The following CTIF variants were observed in gnomAD, a reference collection of about 807,000 sequenced individuals.
The protein encoded by CTIF is CBP80/20-dependent translation initiation factor.
In CTIF, 21 loss-of-function variants were observed where a neutral mutation model predicts 66.0. That is an observed-to-expected ratio of 0.32 (90% CI 0.23 to 0.46). The LOEUF is 0.46. Ranked by LOEUF, CTIF falls within the 20% of genes least tolerant of loss-of-function variation. CTIF has a pLI of 1.00. For synonymous variants in CTIF, 345 were observed against 326.4 expected (o/e 1.06, Z -0.62); for missense variants, 739 against 812.7 (o/e 0.91, Z 1.10).
chr18:48,599,099 G>T (rs1249498711), intron 1 of CTIF, among the ~76,000 whole-genome samples: 1 of 152,146 alleles, frequency 6.6e-6, no homozygotes, highest in African/African-American at 2.4e-5. Flanking sequence ...TCTCCTCTCT[G>T]CCGATCAGCT....
chr18:48,660,000 G>A (rs1388856575), intron 3 of CTIF, among the ~76,000 whole-genome samples: 1 of 151,990 alleles, frequency 6.6e-6, no homozygotes, highest in Non-Finnish European at 1.5e-5. Flanking sequence ...TCTGTCACCT[G>A]TGACGTGTGT....
chr18:48,792,474 G>T (rs1313144888), intron 9 of CTIF, among the ~76,000 whole-genome samples: 1 of 152,208 alleles, frequency 6.6e-6, no homozygotes, highest in Non-Finnish European at 1.5e-5. Context: ...GGGTTGAGAG[G>T]AGTCTGAAAG....
intron 1 of CTIF, among the ~76,000 whole-genome samples, chr18:48,561,235 C>CAAAAAA (rs36056519): frequency 2.3e-4 from 21 of 92,288 alleles, no homozygotes; most frequent in African/African-American, 6.2e-4. Context: ...GACTCTGTCT[C>CAAAAAA]AAAAAAAAAA....
chr18:48,661,788 T>C (rs1280674503), intron 3 of CTIF: 6 of 152,228 alleles, frequency 3.9e-5, no homozygotes, highest in Non-Finnish European at 7.3e-5. Context: ...CAGGGCATGG[T>C]ATTTCATTCT....
At chr18:48,849,352 C>T (rs1357002073) in intron 10 of CTIF, among the ~76,000 whole-genome samples, 1 of 151,454 alleles carries the variant, frequency 6.6e-6, no homozygotes, top group Non-Finnish European at 1.5e-5. Flanking sequence ...CGTCTGCCAC[C>T]ATGCCTGGCA....
intron 9 of CTIF, among the ~76,000 whole-genome samples, chr18:48,782,325 G>T (rs1320435995): frequency 6.6e-6 from 1 of 152,052 alleles, no homozygotes; most frequent in Non-Finnish European, 1.5e-5. Context: ...CCCCTGCCTG[G>T]CCTGGAGCAT....
intron 4 of CTIF, 38 bp downstream of exon 4, chr18:48,663,863 C>A (rs777454329): frequency 1.3e-6 from 2 of 1,583,686 alleles, no homozygotes; most frequent in Admixed American, 1.7e-5. Context: ...GGTGTGAGGT[C>A]CAGCCGGGGA....
intron 7 of CTIF, among the ~76,000 whole-genome samples, chr18:48,727,623 C>T (rs1216506452): frequency 6.6e-6 from 1 of 152,210 alleles, no homozygotes; most frequent in African/African-American, 2.4e-5. Context: ...CACATCTCTT[C>T]AAGACCATCC....
intron 1 of CTIF, among the ~76,000 whole-genome samples, chr18:48,579,110 G>A (rs890563209): frequency 3.9e-5 from 6 of 152,028 alleles, no homozygotes; most frequent in Non-Finnish European, 8.8e-5. Flanking sequence ...GGAGTGCAGT[G>A]GTATACTCAT....
chr18:48,851,682 G>C (rs1461427910), intron 10 of CTIF, among the ~76,000 whole-genome samples: 1 of 152,092 alleles, frequency 6.6e-6, no homozygotes, highest in Admixed American at 6.5e-5. Flanking sequence ...AGCATTGACT[G>C]AGCAGCCCCA....
At position 48,711,651 on chromosome 18, in the gene CTIF, C is replaced by G. The variant is rs529540741; in HGVS notation, c.540C>G (p.Ile180Met). ...ACCCGATGCCCCATGAAGTGGAGAT[C>G]GCACACACCAAGAAGCTGTTCCGCA... Reference protein sequence around the residue: ...GYHPMPHEVEIAHTKKLFRRR... With the variant: ...GYHPMPHEVEMAHTKKLFRRR... Residue 180 changes from isoleucine (I) to methionine (M), a missense_variant, in exon 7 of 12, where the codon ATC (isoleucine) becomes ATG (methionine). By Grantham distance (10) the Ile-to-Met change is conservative. Transcript: ENST00000256413. 3.7e-6 allele frequency: 6 copies of G among 1,614,000 alleles called. No homozygotes were observed. In the African/African-American group the frequency reaches 4.0e-5, roughly 11 times the overall value.
intron 3 of CTIF, among the ~76,000 whole-genome samples, chr18:48,640,359 T>G (rs1191273935): frequency 1.3e-5 from 2 of 152,228 alleles, no homozygotes; most frequent in East Asian, 3.8e-4. Context: ...CCTCAACCAC[T>G]TCTGGCCTAG....
At chr18:48,825,150 TC>T (rs1371050920) in intron 10 of CTIF, among the ~76,000 whole-genome samples, 1 of 152,090 alleles carries the variant, frequency 6.6e-6, no homozygotes, top group African/African-American at 2.4e-5. Flanking sequence ...CAGGGCGCTT[TC>T]TGCCAGGAAT....
chr18:48,807,690 C>T (rs1025445274), intron 9 of CTIF, among the ~76,000 whole-genome samples: 8 of 151,622 alleles, frequency 5.3e-5, no homozygotes, highest in South Asian at 2.1e-4. Flanking sequence ...AGTGATTCTC[C>T]TACCTCAGCC....
chr18:48,681,066 T>C (rs1025194392), intron 6 of CTIF, among the ~76,000 whole-genome samples: 5 of 152,260 alleles, frequency 3.3e-5, no homozygotes, highest in Non-Finnish European at 1.5e-5. Context: ...CACTGACTCT[T>C]ACTGGCTGGA....
chr18:48,674,415 C>T (rs1354550459), intron 6 of CTIF, among the ~76,000 whole-genome samples: 2 of 152,214 alleles, frequency 1.3e-5, no homozygotes, highest in Admixed American at 1.3e-4. Context: ...CATGGGCCCC[C>T]ACACTGAATG....
chr18:48,788,246 T>G (rs928185770), intron 9 of CTIF, among the ~76,000 whole-genome samples: 9 of 152,166 alleles, frequency 5.9e-5, no homozygotes, highest in Admixed American at 3.3e-4. Context: ...GCTGGAAACA[T>G]GCTCAGGGGC....
chr18:48,857,634 C>T lies in CTIF; in HGVS notation c.1574C>T (p.Ser525Phe). The T allele has an allele frequency of 6.2e-7, 1 of 1,607,594 alleles. No individual in the cohort carries two copies. Among genetic ancestry groups the T allele is most frequent in the Non-Finnish European group, 8.5e-7 (1 of 1,176,954 alleles). Residue 525 changes from serine to phenylalanine, a missense_variant, in exon 11 of 12, where the codon TCT becomes TTT. By Grantham distance (155) the Ser-to-Phe change is radical. Coordinates refer to ENST00000256413, the MANE Select transcript of CTIF (RefSeq NM_014772.3). ...AAGGAAGATGCTGTCCTTTGCTGCT[C>T]TATGGAGGTAAGCTTTGGGGCTTCG... The part of the protein sequence containing the change: ...DVKEDAVLCC[S>F]MELQSTGRLL...
intron 1 of CTIF, chr18:48,568,351 C>T (rs997902941): frequency 3.3e-5 from 5 of 152,050 alleles, no homozygotes; most frequent in East Asian, 1.9e-4. Context: ...TCCCAGCAGC[C>T]CCATGAGGTG....
Sources: gnomAD v4.1 joint callset for allele counts (sites outside exome capture counted in the v4.1 genomes callset) on GRCh38, gnomAD v4.1.1 for gene constraint, MANE v1.5 for transcripts, NCBI Gene and HGNC (gene_info 2026-07-23, HGNC 2026-07-21) for gene names.